BCAT1: variants seen among roughly 807,000 people sequenced by gnomAD.
BCAT1 encodes the protein branched-chain-amino-acid aminotransferase, cytosolic.
BCAT1 carries 48 observed loss-of-function variants against 52.4 expected under a neutral mutation model. The observed-to-expected ratio is 0.92, with a 90% CI of 0.73 to 1.16. BCAT1 has a LOEUF of 1.16. BCAT1 is among the 50% of genes most tolerant of loss of function. The pLI is 0.00. For synonymous variants in BCAT1, 167 were observed against 161.3 expected, an observed-to-expected ratio of 1.04 and a Z score of -0.27; for missense variants, 451 against 457.1, an observed-to-expected ratio of 0.99 and a Z score of 0.12.
At chr12:24,903,962 A>G (rs1303112308) in intron 1 of BCAT1, 1 of 152,168 alleles carries the variant, frequency 6.6e-6, no homozygotes, top group Admixed American at 6.6e-5. Flanking sequence ...TCTGGGTGAA[A>G]GCGGTTAAAT....
rs1939688947 is a variant in BCAT1, at chr12:24,811,673, C to T, written c.*6335G>A. The T allele has an allele frequency of 6.6e-6, 1 of 152,100 alleles. No homozygotes were observed. The highest frequency in any genetic ancestry group is 1.5e-5 in the Non-Finnish European group (1 of 67,976). The allele number at this position is 152,100 out of a possible 1,614,324, so 9.4% of individuals were successfully genotyped here. On this transcript the variant is annotated 3_prime_UTR_variant, in exon 11 of 11. Transcript: ENST00000261192. ...TTAACATAGCCTGCGGATGATCTTT[C>T]ACAAAAGCCAAGCCTCATTTACAAA... is the stretch of plus-strand genomic sequence containing the variant.
rs911593790 is a variant in BCAT1 at position 24,813,569 on chromosome 12, G to A, written c.*4439C>T. Reference sequence around the variant, plus strand: ...GGTGTTAATTTATTAGGTGCACCATGATAACTCAACATTGTTTGAAAAGAA... The same window carrying A: ...GGTGTTAATTTATTAGGTGCACCATAATAACTCAACATTGTTTGAAAAGAA... On this transcript the variant is annotated 3_prime_UTR_variant, in exon 11 of 11. Coordinates refer to ENST00000261192, the MANE Select transcript of BCAT1 (RefSeq NM_005504.7). 2.0e-5 allele frequency: 3 copies of A among 151,984 alleles called. No individual in the cohort carries two copies. Among genetic ancestry groups the A allele is most frequent in the Non-Finnish European group, 4.4e-5 (3 of 67,892 alleles). 9.4% of individuals were successfully genotyped at this position (151,984 alleles called of 1,614,324 possible).
chr12:24,928,361 G>A (rs1230003913), intron 1 of BCAT1, among the ~76,000 whole-genome samples: 2 of 152,170 alleles, frequency 1.3e-5, no homozygotes, highest in Non-Finnish European at 2.9e-5. Flanking sequence ...CCCATGGGAT[G>A]AGCACAGTAG....
intron 3 of BCAT1, among the ~76,000 whole-genome samples, chr12:24,882,910 T>C (rs1174809475): frequency 1.3e-5 from 2 of 151,846 alleles, no homozygotes; most frequent in Non-Finnish European, 2.9e-5. Context: ...CTGCAAATAC[T>C]TTCTAAAATA....
chr12:24,891,196 T>G (rs1942828193), intron 3 of BCAT1, among the ~76,000 whole-genome samples: 1 of 152,174 alleles, frequency 6.6e-6, no homozygotes, highest in Non-Finnish European at 1.5e-5. Flanking sequence ...GGCTGCCTAC[T>G]CTGTGACTGC....
At chr12:24,930,629 T>G (rs914781973) in intron 1 of BCAT1, among the ~76,000 whole-genome samples, 7 of 152,204 alleles carry the variant, frequency 4.6e-5, no homozygotes, top group Non-Finnish European at 1.0e-4. Context: ...AGAATCACTT[T>G]TTTACCTCTT....
intron 10 of BCAT1, among the ~76,000 whole-genome samples, chr12:24,829,406 A>G (rs1940551442): frequency 6.6e-6 from 1 of 152,220 alleles, no homozygotes; most frequent in Non-Finnish European, 1.5e-5. Flanking sequence ...GACATAAAAA[A>G]TTAACAGTGA....
At chr12:24,872,387 A>G (rs1499805) in intron 5 of BCAT1, among the ~76,000 whole-genome samples, 7,451 of 152,278 alleles carry the variant, frequency 0.049, 596 homozygotes, top group African/African-American at 0.17. Flanking sequence ...GGGTTTTAAA[A>G]TGGGAGTTCT....
At chr12:24,852,827 G>T (rs1490034148) in intron 5 of BCAT1, among the ~76,000 whole-genome samples, 3 of 152,162 alleles carry the variant, frequency 2.0e-5, no homozygotes, top group Admixed American at 6.5e-5. Flanking sequence ...TGTTTTACAA[G>T]TACTTCAAGT....
intron 10 of BCAT1, among the ~76,000 whole-genome samples, chr12:24,820,767 C>T (rs1395812118): frequency 1.3e-5 from 2 of 152,114 alleles, no homozygotes; most frequent in South Asian, 2.1e-4. Flanking sequence ...AACTAAAACA[C>T]GACTAATGAC....
chr12:24,831,229 C>G (rs1028923650), intron 9 of BCAT1, among the ~76,000 whole-genome samples: 2 of 152,152 alleles, frequency 1.3e-5, no homozygotes, highest in Non-Finnish European at 2.9e-5. Context: ...TCGTAACTTA[C>G]TTTATTGTAA....
At chr12:24,877,250 G>A (rs997998241) in intron 5 of BCAT1, among the ~76,000 whole-genome samples, 1 of 152,146 alleles carries the variant, frequency 6.6e-6, no homozygotes, top group Admixed American at 6.5e-5. Flanking sequence ...TAGCAAAAGC[G>A]CTCTATCTCA....
intron 5 of BCAT1, among the ~76,000 whole-genome samples, chr12:24,867,360 CT>C (rs1447166346): frequency 9.2e-6 from 1 of 108,878 alleles, no homozygotes; most frequent in Non-Finnish European, 1.9e-5. Context: ...TTTTTTTTAC[CT>C]TTAACATGTT....
At chr12:24,943,720 C>T (rs371828303) in intron 1 of BCAT1, among the ~76,000 whole-genome samples, 9 of 152,042 alleles carry the variant, frequency 5.9e-5, no homozygotes, top group African/African-American at 1.9e-4. Context: ...AGCGGTGGCT[C>T]ACGCCTGTAA....
rs565374321 is a variant in BCAT1, at chr12:24,871,148, C to T, written c.510+7382G>A. The stretch of plus-strand genomic sequence containing the variant: ...ATGAGAACAGATCAAATGCCAATTT[C>T]GCCAAGGAGACCAGGCCATTCCCGA... On this transcript the variant is annotated intron_variant, in intron 5 of 10. Transcript: ENST00000261192. Among the ~76,000 whole-genome samples, 26 of 152,204 alleles carry T rather than the reference C, an allele frequency of 1.7e-4. No homozygotes were observed. The South Asian group carries it at 5.0e-3, about 29-fold the overall frequency.
chr12:24,835,659 C>T (rs1200667021), intron 8 of BCAT1, among the ~76,000 whole-genome samples: 2 of 151,924 alleles, frequency 1.3e-5, no homozygotes, highest in African/African-American at 4.8e-5. Context: ...TTGATCATAG[C>T]TCACTGCGAC....
chr12:24,890,601 C>G (rs553816213), intron 3 of BCAT1, among the ~76,000 whole-genome samples: 1 of 152,044 alleles, frequency 6.6e-6, no homozygotes, highest in Non-Finnish European at 1.5e-5. Flanking sequence ...ACCAGTGTCA[C>G]GACAATTTAC....
In BCAT1 at chr12:24,878,668, T is replaced by A. The variant is rs756548979; in HGVS notation, c.391-19A>T. On this transcript the variant is annotated intron_variant, in intron 4 of 10. Transcript: ENST00000261192. ...CAAATACCTGAAAGAATGAAAAACA[T>A]AATAAATGACAGAATTTTCTCACAA... is the stretch of plus-strand genomic sequence containing the variant. 2 of 1,588,320 alleles carry A rather than the reference T, an allele frequency of 1.3e-6. No homozygotes were observed. The highest frequency in any genetic ancestry group is 3.6e-5 in the Admixed American group (2 of 56,328).
chr12:24,861,660 T>G (rs1941852210), intron 5 of BCAT1, among the ~76,000 whole-genome samples: 1 of 152,196 alleles, frequency 6.6e-6, no homozygotes, highest in Non-Finnish European at 1.5e-5. Context: ...AGGGTCCCTT[T>G]GGGGGTATTG....
Sources: gnomAD v4.1 joint callset for allele counts (sites outside exome capture counted in the v4.1 genomes callset) on GRCh38, gnomAD v4.1.1 for gene constraint, MANE v1.5 for transcripts, NCBI Gene and HGNC (gene_info 2026-07-23, HGNC 2026-07-21) for gene names.